Variants in CNKSR2 observed in about 807,000 individuals in gnomAD.
CNKSR2 encodes the protein CNK homolog protein 2.
In CNKSR2, 14 loss-of-function variants were observed where a neutral mutation model predicts 84.4. The observed-to-expected ratio is 0.17, with a 90% CI of 0.11 to 0.26. The LOEUF is 0.26. Among genes scored for constraint, CNKSR2 ranks in the 10% least tolerant of loss-of-function variants. CNKSR2 has a pLI of 1.00. For missense variants in CNKSR2, 485 were observed against 771.2 expected (o/e 0.63, Z 4.40); for synonymous variants, 275 against 277.9 (o/e 0.99, Z 0.10).
chrX:21,401,480 G>A (rs969690178), intron 1 of CNKSR2, among the ~76,000 whole-genome samples: 8 of 111,252 alleles, frequency 7.2e-5, no homozygotes, highest in East Asian at 2.8e-4. Context: ...TTCTGGGTTC[G>A]TGGCACATCA....
rs946992070 is a variant in CNKSR2, at chrX:21,515,341, C to A, written c.811-1144C>A. ...TCCAGCTTGACAAATATCTTCCAGG[C>A]AAAAACATGGTTATTATTAGACAAA... On this transcript the variant is annotated intron_variant, in intron 8 of 21. Transcript: ENST00000379510. Among the ~76,000 whole-genome samples, 3 of 111,021 alleles carry A rather than the reference C, an allele frequency of 2.7e-5. No individual in the cohort carries two copies. The East Asian group carries it at 8.5e-4, about 32-fold the overall frequency.
Position 21,374,631 on chromosome X carries a change from G to GCAGCAC in CNKSR2, c.-266_-265insAGCACC, listed in dbSNP as rs1409481906. The GCAGCAC allele has an allele frequency of 2.2e-6, 1 of 461,428 alleles. No homozygotes were observed. The highest frequency in any genetic ancestry group is 4.1e-5 in the East Asian group (1 of 24,318). The allele number at this position is 461,428 out of a possible 1,213,427, so 38.0% of individuals were successfully genotyped here. On this transcript the variant is annotated 5_prime_UTR_variant, in exon 1 of 22. Coordinates refer to ENST00000379510, the MANE Select transcript of CNKSR2 (RefSeq NM_014927.5). ...AGCAGCAGCAGCAGCAGCAGCAGCA[G>GCAGCAC]CCGCCGCCGCCGCCGCCTTAGCGGG...
At chrX:21,466,643 G>A (rs1321231083) in intron 4 of CNKSR2, among the ~76,000 whole-genome samples, 1 of 111,078 alleles carries the variant, frequency 9.0e-6, no homozygotes, top group Non-Finnish European at 1.9e-5. Context: ...GGAGTGCAGT[G>A]GTGCAATCTT....
chrX:21,508,392 T>C (rs2147080165), intron 8 of CNKSR2, among the ~76,000 whole-genome samples: 1 of 112,201 alleles, frequency 8.9e-6, no homozygotes, highest in African/African-American at 3.2e-5. Context: ...TTTTGGGGAC[T>C]GAGGTTCTAC....
Position 21,563,385 on chromosome X carries a change from G to C in CNKSR2, c.1541G>C (p.Ser514Thr), listed in dbSNP as rs758859944. The change falls in exon 13 of 22, where the codon AGT (serine) becomes ACT (threonine). Residue 514 changes from serine (S) to threonine (T), a missense_variant. Transcript: ENST00000379510. Reference sequence around the variant, plus strand: ...CCAACTCACTATTCATTGCTACCTAGTTTACAAATGGATGCACTGAGACAA... The same window carrying C: ...CCAACTCACTATTCATTGCTACCTACTTTACAAATGGATGCACTGAGACAA... ...NSPTHYSLLP[S>T]LQMDALRQDI... The C allele has an allele frequency of 4.1e-6, 5 of 1,210,457 alleles. No homozygotes were observed. Among genetic ancestry groups the C allele is most frequent in the Middle Eastern group, 2.3e-4 (1 of 4,350 alleles).
intron 20 of CNKSR2, among the ~76,000 whole-genome samples, chrX:21,614,094 C>G (rs1173757546): frequency 9.0e-6 from 1 of 111,272 alleles, no homozygotes; most frequent in East Asian, 2.8e-4. Flanking sequence ...ACTCAGTAGC[C>G]TAAAATCTTA....
At chrX:21,546,711 T>G (rs2147153920) in intron 11 of CNKSR2, among the ~76,000 whole-genome samples, 1 of 111,270 alleles carries the variant, frequency 9.0e-6, no homozygotes, top group Admixed American at 9.5e-5. Flanking sequence ...GGAAAGCCAA[T>G]CAGACTAACA....
chrX:21,377,365 G>A (rs921940382), intron 1 of CNKSR2, among the ~76,000 whole-genome samples: 1 of 111,982 alleles, frequency 8.9e-6, no homozygotes. Flanking sequence ...CCCAAATAAA[G>A]TTAAACAAAG....
At chrX:21,470,960 C>A in intron 5 of CNKSR2, 153 bp downstream of exon 5, 1 of 252,748 alleles carries the variant, frequency 4.0e-6, no homozygotes. Flanking sequence ...TAACAAGTTA[C>A]GTTAGTTATA....
At chrX:21,619,085 T>G (rs1220978213) in intron 20 of CNKSR2, among the ~76,000 whole-genome samples, 1 of 112,042 alleles carries the variant, frequency 8.9e-6, no homozygotes, top group African/African-American at 3.2e-5. Flanking sequence ...TTATGCAAAA[T>G]TTATAAGACT....
At chrX:21,388,345 T>C (rs1170861227) in intron 1 of CNKSR2, among the ~76,000 whole-genome samples, 5 of 112,408 alleles carry the variant, frequency 4.4e-5, no homozygotes, top group Non-Finnish European at 9.4e-5. Context: ...GAAATGTTAA[T>C]GGACCAGACT....
At chrX:21,450,615 T>C (rs1266576952) in intron 4 of CNKSR2, among the ~76,000 whole-genome samples, 1 of 112,003 alleles carries the variant, frequency 8.9e-6, no homozygotes, top group East Asian at 2.8e-4. Flanking sequence ...GTTGAATTTA[T>C]ATTTTTATTT....
intron 5 of CNKSR2, among the ~76,000 whole-genome samples, chrX:21,483,735 G>A (rs1323614731): frequency 9.2e-6 from 1 of 109,157 alleles, no homozygotes; most frequent in African/African-American, 3.3e-5. Flanking sequence ...CAACAGTTGT[G>A]TCTTGTTAGG....
chrX:21,653,961 TG>T lies in CNKSR2; in HGVS notation c.*1441del, dbSNP rs1353064893. On this transcript the variant is annotated 3_prime_UTR_variant, in exon 22 of 22. Coordinates refer to ENST00000379510, the MANE Select transcript of CNKSR2 (RefSeq NM_014927.5). ...CTTTAAGAGTTCAGATATATGCCAGTGAATATTTTTGCTGTAGAGGAGAAAG... is the reference window on the plus strand; with the variant it reads ...CTTTAAGAGTTCAGATATATGCCAGTAATATTTTTGCTGTAGAGGAGAAAG... The T allele has an allele frequency of 9.0e-6, 1 of 111,500 alleles. No individual in the cohort carries two copies. Among genetic ancestry groups the T allele is most frequent in the African/African-American group, 3.3e-5 (1 of 30,651 alleles). 9.2% of individuals were successfully genotyped at this position (111,500 alleles called of 1,213,427 possible).
rs560008239 is a variant in CNKSR2, at chrX:21,598,324, C to T, written c.1976+2929C>T. On this transcript the variant is annotated intron_variant, in intron 17 of 21. Coordinates refer to ENST00000379510, the MANE Select transcript of CNKSR2 (RefSeq NM_014927.5). ...TTTGTTTGGCCTATATATTCCTTAC[C>T]ATGTCAGTACACATGTTCTTGTAAT... Among the ~76,000 whole-genome samples, 16 of 110,860 alleles carry T rather than the reference C, an allele frequency of 1.4e-4. No homozygotes were observed. The South Asian group carries it at 5.7e-3, about 40-fold the overall frequency.
rs746741027 is a variant in CNKSR2 at position 21,641,491 on chromosome X, G to A, written c.2693-7340G>A. The A allele has an allele frequency of 8.5e-5, 99 of 1,162,108 alleles. 1 individual carries two copies. Among genetic ancestry groups the A allele is most frequent in the Non-Finnish European group, 1.0e-5 (9 of 869,045 alleles). On this transcript the variant is annotated intron_variant, in intron 20 of 21. Transcript: ENST00000379510. ...ATATGCTTTGGAAATAATGGCACTC[G>A]CAGGTCTTTCATCATATTGTATCAC...
At chrX:21,439,717 C>A (rs1339217848) in intron 3 of CNKSR2, among the ~76,000 whole-genome samples, 1 of 109,966 alleles carries the variant, frequency 9.1e-6, no homozygotes, top group African/African-American at 3.3e-5. Flanking sequence ...CTAAAACAAC[C>A]CAAAATGAAA....
chrX:21,436,071 A>G (rs183954327), intron 3 of CNKSR2, among the ~76,000 whole-genome samples: 122 of 112,006 alleles, frequency 1.1e-3, no homozygotes, highest in African/African-American at 3.6e-3. Flanking sequence ...AGGACAAATT[A>G]ATTTTATACC....
intron 4 of CNKSR2, among the ~76,000 whole-genome samples, chrX:21,449,120 A>G (rs1380881753): frequency 9.0e-6 from 1 of 110,713 alleles, no homozygotes; most frequent in Non-Finnish European, 1.9e-5. Context: ...CCTGGCCAAC[A>G]TGGTGAAACC....
Sources: gnomAD v4.1 joint callset for allele counts (sites outside exome capture counted in the v4.1 genomes callset) on GRCh38, gnomAD v4.1.1 for gene constraint, MANE v1.5 for transcripts, NCBI Gene and HGNC (gene_info 2026-07-23, HGNC 2026-07-21) for gene names.